Variants in IQUB observed in about 807,000 individuals in gnomAD.
The protein encoded by IQUB is IQ motif and ubiquitin domain containing, also known as IQ motif and ubiquitin-like domain-containing protein.
IQUB carries 86 observed loss-of-function variants against 86.4 expected under a neutral mutation model. That is an observed-to-expected ratio of 1.00 (90% confidence interval 0.84 to 1.19). IQUB has a LOEUF of 1.19. IQUB is among the 50% of genes most tolerant of loss of function. IQUB has a pLI of 0.00. For synonymous variants in IQUB, 289 were observed against 304.5 expected, an observed-to-expected ratio of 0.95 and a Z score of 0.53; for missense variants, 946 against 916.9, an observed-to-expected ratio of 1.03 and a Z score of -0.41.
chr7:123,472,713 A>G (rs1794585503), intron 8 of IQUB, among the ~76,000 whole-genome samples: 1 of 152,210 alleles, frequency 6.6e-6, no homozygotes, highest in Non-Finnish European at 1.5e-5. Context: ...CTGTTTTTAT[A>G]CTTAGATGTA....
At chr7:123,479,340 T>C (rs1794893630) in intron 8 of IQUB, among the ~76,000 whole-genome samples, 1 of 152,108 alleles carries the variant, frequency 6.6e-6, no homozygotes, top group South Asian at 2.1e-4. Context: ...GTCAGAAATT[T>C]GAAGTCAGTT....
intron 7 of IQUB, among the ~76,000 whole-genome samples, chr7:123,494,817 C>T (rs1300589579): frequency 6.6e-6 from 1 of 152,014 alleles, no homozygotes; most frequent in Non-Finnish European, 1.5e-5. Flanking sequence ...ATGAAGAAAT[C>T]GAGGTTTAGG....
intron 8 of IQUB, among the ~76,000 whole-genome samples, chr7:123,469,821 C>A: frequency 6.6e-6 from 1 of 151,978 alleles, no homozygotes; most frequent in East Asian, 1.9e-4. Context: ...TAAAGATATA[C>A]CAAAAAGGGA....
intron 1 of IQUB, among the ~76,000 whole-genome samples, chr7:123,512,738 T>G (rs1216035212): frequency 6.6e-6 from 1 of 152,146 alleles, no homozygotes; most frequent in South Asian, 2.1e-4. Flanking sequence ...ACCAGCCAGC[T>G]CTATAGCAAG....
In IQUB at chr7:123,505,076, C is replaced by A. The variant is rs1452973570; in HGVS notation, c.533-1713G>T. 2.0e-5 allele frequency among the ~76,000 whole-genome samples: 3 copies of A among 152,194 alleles called. No individual in the cohort carries two copies. The East Asian group carries it at 5.8e-4, about 29-fold the overall frequency. On this transcript the variant is annotated intron_variant, in intron 3 of 12. Coordinates refer to ENST00000324698, the MANE Select transcript of IQUB (RefSeq NM_178827.5). ...CATGCAAGTTCAAAACCCAGCAGGGCAGTTATTGAATCTTAAAGCTTTAAA... is the reference window on the plus strand; with the variant it reads ...CATGCAAGTTCAAAACCCAGCAGGGAAGTTATTGAATCTTAAAGCTTTAAA...
At chr7:123,525,578 T>C (rs2117354573) in intron 1 of IQUB, among the ~76,000 whole-genome samples, 1 of 152,316 alleles carries the variant, frequency 6.6e-6, no homozygotes, top group South Asian at 2.1e-4. Flanking sequence ...TGCGTCTATT[T>C]GATTCTTCTC....
intron 6 of IQUB, among the ~76,000 whole-genome samples, chr7:123,500,237 T>C (rs1375735644): frequency 6.6e-6 from 1 of 152,212 alleles, no homozygotes; most frequent in Non-Finnish European, 1.5e-5. Context: ...TTCTATGGAC[T>C]TGCCCTGAAT....
At chr7:123,461,660 A>G in intron 10 of IQUB, 55 bp from the exon 11 acceptor site, 1 of 1,441,486 alleles carries the variant, frequency 6.9e-7, no homozygotes, top group Non-Finnish European at 9.2e-7. Flanking sequence ...GCCAGGCCAA[A>G]TATGATCCTA....
intron 1 of IQUB, among the ~76,000 whole-genome samples, chr7:123,529,570 T>C (rs1482558930): frequency 6.6e-6 from 1 of 151,200 alleles, no homozygotes; most frequent in Non-Finnish European, 1.5e-5. Flanking sequence ...TGCAATTATA[T>C]ATAAACAATA....
At chr7:123,528,017 G>C (rs903757336) in intron 1 of IQUB, among the ~76,000 whole-genome samples, 4 of 152,246 alleles carry the variant, frequency 2.6e-5, no homozygotes, top group African/African-American at 9.6e-5. Context: ...TAATCTCCTG[G>C]TCCGCCGTTT....
At chr7:123,457,860 T>G (rs1199742715) in intron 11 of IQUB, 2 of 261,980 alleles carry the variant, frequency 7.6e-6, no homozygotes, top group Non-Finnish European at 1.4e-5. Context: ...GTTACCATAA[T>G]AAACATATGG....
At chr7:123,472,758 T>C (rs1794587321) in intron 8 of IQUB, among the ~76,000 whole-genome samples, 1 of 152,248 alleles carries the variant, frequency 6.6e-6, no homozygotes, top group Non-Finnish European at 1.5e-5. Flanking sequence ...TCTTCAAGCC[T>C]AGGCTTTTTT....
intron 8 of IQUB, among the ~76,000 whole-genome samples, chr7:123,470,490 T>C (rs1794470462): frequency 6.6e-6 from 1 of 152,236 alleles, no homozygotes; most frequent in Non-Finnish European, 1.5e-5. Context: ...ATGGAAGCTC[T>C]ATGTATTGGA....
At chr7:123,500,212 C>T (rs1388032852) in intron 6 of IQUB, among the ~76,000 whole-genome samples, 2 of 152,152 alleles carry the variant, frequency 1.3e-5, no homozygotes, top group Admixed American at 1.3e-4. Context: ...TCTTAATAAA[C>T]TTGCTTTTAC....
intron 10 of IQUB, among the ~76,000 whole-genome samples, chr7:123,464,329 T>C (rs964578021): frequency 1.3e-5 from 2 of 151,864 alleles, no homozygotes; most frequent in Non-Finnish European, 2.9e-5. Context: ...AGAATATCCA[T>C]ATGGACCTGT....
intron 6 of IQUB, among the ~76,000 whole-genome samples, chr7:123,500,278 C>T (rs749036615): frequency 1.1e-4 from 16 of 152,122 alleles, no homozygotes; most frequent in Admixed American, 5.9e-4. Context: ...AGAACCCTCT[C>T]TTGGGGTCTG....
chr7:123,525,065 TG>T (rs1334590262), intron 1 of IQUB, among the ~76,000 whole-genome samples: 4 of 152,244 alleles, frequency 2.6e-5, no homozygotes, highest in African/African-American at 9.7e-5. Flanking sequence ...TTGATCATGT[TG>T]GATAAGCTTT....
intron 12 of IQUB, among the ~76,000 whole-genome samples, chr7:123,454,197 T>C (rs552473853): frequency 1.3e-5 from 2 of 152,262 alleles, no homozygotes; most frequent in East Asian, 1.9e-4. Context: ...TCTTAGCCCA[T>C]ATTTCATTCA....
At chr7:123,481,103 G>A (rs1281002733) in intron 7 of IQUB, among the ~76,000 whole-genome samples, 4 of 152,096 alleles carry the variant, frequency 2.6e-5, no homozygotes, top group Non-Finnish European at 5.9e-5. Flanking sequence ...CCACCTTTAA[G>A]AAAGTATCCT....
Sources: allele counts gnomAD v4.1 joint callset (sites outside exome capture counted in the v4.1 genomes callset), GRCh38; gene constraint gnomAD v4.1.1; transcripts MANE v1.5; gene names NCBI Gene and HGNC (gene_info 2026-07-23, HGNC 2026-07-21).